PLCB4: variants seen among roughly 807,000 people sequenced by gnomAD.
The protein encoded by PLCB4 is 1-phosphatidylinositol 4,5-bisphosphate phosphodiesterase beta-4.
In PLCB4, 77 loss-of-function variants were observed where a neutral mutation model predicts 178.8. The ratio of observed to expected loss-of-function variants is 0.43; its 90% CI spans 0.36 to 0.52. PLCB4 has a LOEUF of 0.52. Among genes scored for constraint, PLCB4 ranks in the 20% least tolerant of loss-of-function variants. The probability of loss-of-function intolerance (pLI) is 0.00; values close to 1 mark genes in which losing one functional copy is unlikely to be tolerated. For synonymous variants in PLCB4, 496 were observed against 490.8 expected (o/e 1.01, Z -0.14); for missense variants, 1,024 against 1,453.4 (o/e 0.70, Z 4.80).
At chr20:9,372,265 C>T (rs111786750) in intron 10 of PLCB4, 38 bp from the exon 11 acceptor site, 19 of 1,203,660 alleles carry the variant, frequency 1.6e-5, no homozygotes, top group Middle Eastern at 1.9e-4. Context: ...AAGGGAAAAA[C>T]GGTTCTGTGA....
chr20:9,440,408 T>G (rs2148660528), intron 30 of PLCB4, among the ~76,000 whole-genome samples: 1 of 152,352 alleles, frequency 6.6e-6, no homozygotes, highest in Non-Finnish European at 1.5e-5. Context: ...TGAGGCTTGC[T>G]GCAGCCCCAG....
intron 3 of PLCB4, among the ~76,000 whole-genome samples, chr20:9,224,396 C>G (rs2093838207): frequency 6.6e-6 from 1 of 152,082 alleles, no homozygotes; most frequent in South Asian, 2.1e-4. Flanking sequence ...CAACCCTGGC[C>G]CTCTGTTTAT....
intron 3 of PLCB4, among the ~76,000 whole-genome samples, chr20:9,243,009 T>G (rs747121876): frequency 1.2e-4 from 19 of 152,202 alleles, no homozygotes; most frequent in Admixed American, 3.9e-4. Flanking sequence ...CCAGCTATAT[T>G]TGAATTTCAG....
chr20:9,316,323 C>G (rs936435374), intron 4 of PLCB4, among the ~76,000 whole-genome samples: 1 of 152,108 alleles, frequency 6.6e-6, no homozygotes, highest in Non-Finnish European at 1.5e-5. Context: ...CACTTAAGTA[C>G]GAGAATAAAT....
intron 2 of PLCB4, among the ~76,000 whole-genome samples, chr20:9,167,972 A>G (rs2092999997): frequency 6.6e-6 from 1 of 152,222 alleles, no homozygotes; most frequent in Non-Finnish European, 1.5e-5. Flanking sequence ...AATATGCAAC[A>G]TTCTATGGCA....
At chr20:9,345,706 G>A (rs1044573675) in intron 7 of PLCB4, among the ~76,000 whole-genome samples, 2 of 152,078 alleles carry the variant, frequency 1.3e-5, no homozygotes, top group African/African-American at 4.8e-5. Context: ...TAAATATTTG[G>A]CAAACTTCAT....
chr20:9,194,725 T>C (rs2093449134), intron 2 of PLCB4, among the ~76,000 whole-genome samples: 1 of 151,948 alleles, frequency 6.6e-6, no homozygotes, highest in African/African-American at 2.4e-5. Flanking sequence ...AGAACCTTTT[T>C]TTAATTTCCT....
intron 4 of PLCB4, among the ~76,000 whole-genome samples, chr20:9,334,265 G>A (rs1275685801): frequency 1.3e-5 from 2 of 152,156 alleles, no homozygotes; most frequent in African/African-American, 4.8e-5. Context: ...GGAAAGGAAG[G>A]TGTGCACTCC....
intron 3 of PLCB4, among the ~76,000 whole-genome samples, chr20:9,296,932 A>G (rs2094643122): frequency 6.6e-6 from 1 of 152,138 alleles, no homozygotes; most frequent in South Asian, 2.1e-4. Flanking sequence ...TGGGTGCAGC[A>G]CACCAACATG....
intron 25 of PLCB4, among the ~76,000 whole-genome samples, chr20:9,413,819 G>A (rs965635532): frequency 1.3e-5 from 2 of 152,228 alleles, no homozygotes; most frequent in Middle Eastern, 3.4e-3. Context: ...CAAGTGCAGT[G>A]GTGCAAACGT....
intron 2 of PLCB4, among the ~76,000 whole-genome samples, chr20:9,208,277 C>T (rs1438008657): frequency 6.6e-6 from 1 of 152,194 alleles, no homozygotes. Context: ...GTCTGCTCAT[C>T]TATAAACCAT....
In PLCB4 at chr20:9,213,128, C is replaced by CTT. The variant is rs56785951; in HGVS notation, c.-78-4233_-78-4232dup. ...TGCTTGGCTTCTCTCCGTTAGCATA[C>CTT]TTTTTTTTTTTTTTTTTTTTTTTTT... On this transcript the variant is annotated intron_variant, in intron 2 of 39. Coordinates refer to ENST00000378473, the MANE Select transcript of PLCB4 (RefSeq NM_001377142.1). Among the ~76,000 whole-genome samples the CTT allele has an allele frequency of 1.8e-3, 65 of 35,728 alleles. 6 individuals are homozygous for CTT. The highest frequency in any genetic ancestry group is 3.6e-3 in the African/African-American group (29 of 8,120). The allele number at this position is 35,728 out of a possible 152,430, so 23.4% of individuals were successfully genotyped here.
chr20:9,165,315 A>G (rs1294769769), intron 2 of PLCB4, among the ~76,000 whole-genome samples: 1 of 152,246 alleles, frequency 6.6e-6, no homozygotes, highest in Non-Finnish European at 1.5e-5. Context: ...AAGCTTTATA[A>G]TAGTGTGAAA....
intron 7 of PLCB4, among the ~76,000 whole-genome samples, chr20:9,342,022 C>T (rs774998670): frequency 1.3e-5 from 2 of 152,072 alleles, no homozygotes; most frequent in African/African-American, 2.4e-5. Context: ...ATTGTCCTTT[C>T]GGTTGATTGA....
intron 2 of PLCB4, among the ~76,000 whole-genome samples, chr20:9,099,965 G>A (rs750911908): frequency 1.3e-5 from 2 of 152,148 alleles, no homozygotes; most frequent in Admixed American, 6.5e-5. Flanking sequence ...GGGGGCATTC[G>A]TCATTGTGTG....
At chr20:9,187,390 T>C (rs1181432733) in intron 2 of PLCB4, among the ~76,000 whole-genome samples, 2 of 152,182 alleles carry the variant, frequency 1.3e-5, no homozygotes, top group Non-Finnish European at 2.9e-5. Flanking sequence ...AGGACCCTAA[T>C]GACACTGTCT....
chr20:9,362,677 A>G (rs977329349), intron 7 of PLCB4, among the ~76,000 whole-genome samples: 2 of 152,236 alleles, frequency 1.3e-5, no homozygotes, highest in African/African-American at 2.4e-5. Flanking sequence ...GTTTAATGGC[A>G]CAATAGATGG....
intron 2 of PLCB4, among the ~76,000 whole-genome samples, chr20:9,120,801 T>A (rs1276121843): frequency 6.6e-6 from 1 of 152,150 alleles, no homozygotes; most frequent in Non-Finnish European, 1.5e-5. Flanking sequence ...TCCTCCTCCA[T>A]GCTATGAGGT....
intron 20 of PLCB4, among the ~76,000 whole-genome samples, chr20:9,401,852 T>C (rs1271453611): frequency 1.3e-5 from 2 of 152,136 alleles, no homozygotes; most frequent in Admixed American, 1.3e-4. Context: ...TCATTTATTG[T>C]GTTATTGCAG....
Sources: gnomAD v4.1 joint callset for allele counts (sites outside exome capture counted in the v4.1 genomes callset) on GRCh38, gnomAD v4.1.1 for gene constraint, MANE v1.5 for transcripts, NCBI Gene and HGNC (gene_info 2026-07-23, HGNC 2026-07-21) for gene names.